The following ROS1 variants were observed in gnomAD, a reference collection of about 807,000 sequenced individuals.
ROS1 encodes the protein proto-oncogene tyrosine-protein kinase ROS.
ROS1 carries 263 observed loss-of-function variants against 273.5 expected under a neutral mutation model. The observed-to-expected ratio is 0.96, with a 90% CI of 0.87 to 1.06. The LOEUF is 1.06. Ranked by LOEUF, ROS1 falls within the 50% of genes least tolerant of loss-of-function variation. ROS1 has a pLI of 0.00. For synonymous variants in ROS1, 1,008 were observed against 954.1 expected, an observed-to-expected ratio of 1.06 and a Z score of -1.04; for missense variants, 2,833 against 2,751.1, an observed-to-expected ratio of 1.03 and a Z score of -0.67.
rs546768297 is a variant in ROS1 at position 117,316,699 on chromosome 6, GT to G, written c.6117+443del. 9.9e-5 allele frequency among the ~76,000 whole-genome samples: 15 copies of G among 152,162 alleles called. No homozygotes were observed. In the South Asian group the frequency reaches 2.9e-3, roughly 30 times the overall value. The stretch of plus-strand genomic sequence containing the variant: ...GAGGACGTACGAAATCAAGAGCTCC[GT>G]TTGGGGCAAAATATGTTTGAGATAC... On this transcript the variant is annotated intron_variant, in intron 39 of 43. Transcript: ENST00000368507.
chr6:117,333,782 T>A (rs1029547432), intron 32 of ROS1, among the ~76,000 whole-genome samples: 2 of 152,162 alleles, frequency 1.3e-5, no homozygotes, highest in African/African-American at 4.8e-5. Flanking sequence ...TTGATAAAAT[T>A]CAACATCAAC....
At chr6:117,385,028 C>T (rs144841206) in intron 16 of ROS1, among the ~76,000 whole-genome samples, 122 of 152,262 alleles carry the variant, frequency 8.0e-4, no homozygotes, top group Middle Eastern at 6.8e-3. Flanking sequence ...ACTTGTAAAC[C>T]GTGAGGATGC....
At chr6:117,292,857 CTT>C (rs113276298) in intron 43 of ROS1, among the ~76,000 whole-genome samples, 292 of 152,302 alleles carry the variant, frequency 1.9e-3, no homozygotes, top group African/African-American at 7.0e-3. Flanking sequence ...ACTCCGGACT[CTT>C]TTTTGTTCTC....
intron 43 of ROS1, among the ~76,000 whole-genome samples, chr6:117,290,890 C>A (rs1023078598): frequency 2.0e-5 from 3 of 152,174 alleles, no homozygotes. Context: ...TCTCCAACAA[C>A]AACAATGAAG....
intron 18 of ROS1, among the ~76,000 whole-genome samples, chr6:117,376,242 TAAAATTTG>T (rs1395818079): frequency 2.6e-5 from 4 of 152,220 alleles, no homozygotes; most frequent in Admixed American, 2.6e-4. Context: ...GAGGATATTA[TAAAATTTG>T]AAAACTCATG....
At chr6:117,310,681 T>C (rs367726576) in intron 40 of ROS1, among the ~76,000 whole-genome samples, 11 of 152,106 alleles carry the variant, frequency 7.2e-5, no homozygotes, top group African/African-American at 2.7e-4. Flanking sequence ...GGATAATGGT[T>C]TCCAGCTTCA....
chr6:117,351,313 T>C (rs976543252), intron 27 of ROS1, among the ~76,000 whole-genome samples: 1 of 152,138 alleles, frequency 6.6e-6, no homozygotes, highest in Non-Finnish European at 1.5e-5. Flanking sequence ...TCAATTAAGC[T>C]CTGATAAAAC....
At chr6:117,372,541 T>G (rs1300220338) in intron 18 of ROS1, among the ~76,000 whole-genome samples, 2 of 152,310 alleles carry the variant, frequency 1.3e-5, no homozygotes, top group African/African-American at 4.8e-5. Flanking sequence ...GTCCAGAGTT[T>G]GTTCCTTCTG....
chr6:117,390,264 G>A lies in ROS1; in HGVS notation c.1290-418C>T, dbSNP rs529833978. 6.6e-5 allele frequency among the ~76,000 whole-genome samples: 10 copies of A among 152,124 alleles called. No individual in the cohort carries two copies. In the East Asian group the frequency reaches 1.7e-3, roughly 27 times the overall value. On this transcript the variant is annotated intron_variant, in intron 12 of 43. Transcript: ENST00000368507. Reference sequence around the variant, plus strand: ...ACACCTCAGTATCCCATGTAGCTGGGACCACAGGCTTGCCACCGTGCTCGG... The same window carrying A: ...ACACCTCAGTATCCCATGTAGCTGGAACCACAGGCTTGCCACCGTGCTCGG...
rs767165414 is a variant in ROS1, at chr6:117,383,472, T to C, written c.2326A>G (p.Ile776Val). ...ACCAATAGCTTCACGTGGGTAACAATGTCTGTGTGTCCCGTCAACACAGAC... is the reference window on the plus strand; with the variant it reads ...ACCAATAGCTTCACGTGGGTAACAACGTCTGTGTGTCCCGTCAACACAGAC... The part of the protein sequence containing the change: ...RQSVLTGHTD[I>V]VTHVKLLVND... Residue 776 changes from isoleucine to valine, a missense_variant, in exon 17 of 44, where the codon ATT becomes GTT. Coordinates refer to ENST00000368507, the MANE Select transcript of ROS1 (RefSeq NM_001378902.1). The C allele has an allele frequency of 1.2e-6, 2 of 1,614,114 alleles. No homozygotes were observed. The highest frequency in any genetic ancestry group is 1.1e-5 in the South Asian group (1 of 91,080).
chr6:117,368,228 C>T (rs1780432388), intron 18 of ROS1, among the ~76,000 whole-genome samples: 1 of 151,558 alleles, frequency 6.6e-6, no homozygotes, highest in South Asian at 2.1e-4. Context: ...TTGTTTAGTA[C>T]TCAAAAAAAG....
At position 117,356,714 on chromosome 6, in the gene ROS1, T is replaced by G. The variant is rs753331816; in HGVS notation, c.4041A>C (p.Ile1347=). 2 of 1,614,202 alleles carry G rather than the reference T, an allele frequency of 1.2e-6. No individual in the cohort carries two copies. The highest frequency in any genetic ancestry group is 8.5e-7 in the Non-Finnish European group (1 of 1,180,010). ...AGATCTCTTGTGCTTTGGCAAAGTA[T>G]ATCAATGGTTTCTCTAGGTTAGAGG... is the stretch of plus-strand genomic sequence containing the variant. ...IDTSNLEKPL[I]YFAKAQEIWA... Residue 1347 remains isoleucine (I), a synonymous_variant, in exon 26 of 44, where the codon ATA becomes ATC. Transcript: ENST00000368507.
rs866590541 is a variant in ROS1, at chr6:117,366,197, C to G, written c.2676G>C (p.Trp892Cys). ...TTGTGATAATCCTAAAGCCATTGAT[C>G]CAGAACAGCCGACCACTATAGTACA... ...ALMYYSGRLF[W>C]INGFRIITTQ... The change falls in exon 19 of 44, where the codon TGG becomes TGC. Residue 892 changes from tryptophan (W) to cysteine (C), a missense_variant. Transcript: ENST00000368507. The G allele has an allele frequency of 1.9e-6, 3 of 1,614,040 alleles. 1 individual carries two copies. Among genetic ancestry groups the G allele is most frequent in the South Asian group, 2.2e-5 (2 of 91,082 alleles).
At chr6:117,378,575 T>A (rs969524665) in intron 18 of ROS1, among the ~76,000 whole-genome samples, 6 of 152,194 alleles carry the variant, frequency 3.9e-5, no homozygotes, top group Non-Finnish European at 5.9e-5. Context: ...ACTAATTTTT[T>A]AAAATAAAAG....
At chr6:117,340,111 G>A (rs541428267) in intron 31 of ROS1, among the ~76,000 whole-genome samples, 1 of 152,192 alleles carries the variant, frequency 6.6e-6, no homozygotes, top group East Asian at 1.9e-4. Flanking sequence ...TATTTTAAAA[G>A]GCACTCCTCC....
rs557952287 is a variant in ROS1, at chr6:117,404,974, G to A, written c.317-546C>T. Among the ~76,000 whole-genome samples the A allele has an allele frequency of 7.3e-5, 11 of 151,308 alleles. No homozygotes were observed. In the South Asian group the frequency reaches 2.3e-3, roughly 32 times the overall value. On this transcript the variant is annotated intron_variant, in intron 5 of 43. Transcript: ENST00000368507. The stretch of plus-strand genomic sequence containing the variant: ...AATATTTCAGGACATCTAAACATTA[G>A]ACGTATTACAATTGGCAGCAATTTC...
In ROS1 at chr6:117,344,140, T is replaced by C. The variant is rs757592384; in HGVS notation, c.4426A>G (p.Ser1476Gly). ...TAAACCAGGTATGTTGGAGTAGGGC[T>C]GGTGATGCCATACCATGTGAGGTTT... ...KTNLTWYGIT[S>G]PTPTYLVYYA... The change falls in exon 28 of 44, where the codon AGC becomes GGC. Residue 1476 changes from serine to glycine, a missense_variant. Coordinates refer to ENST00000368507, the MANE Select transcript of ROS1 (RefSeq NM_001378902.1). 6.2e-7 allele frequency: 1 copy of C among 1,613,998 alleles called. No individual in the cohort carries two copies. Among genetic ancestry groups the C allele is most frequent in the Non-Finnish European group, 8.5e-7 (1 of 1,179,912 alleles).
At chr6:117,340,913 T>C (rs1582670678) in intron 31 of ROS1, among the ~76,000 whole-genome samples, 3 of 152,162 alleles carry the variant, frequency 2.0e-5, no homozygotes, top group South Asian at 2.1e-4. Context: ...CTATAACTTA[T>C]ACCCTTTTAC....
rs969974037 is a variant in ROS1 at position 117,311,223 on chromosome 6, G to A, written c.6118-106C>T. On this transcript the variant is annotated intron_variant, in intron 39 of 43. Transcript: ENST00000368507. ...TACATGTATATGCATATGCATGTAT[G>A]TATCTGATGTTTTAAAGGGATTTTT... 4 of 509,066 alleles carry A rather than the reference G, an allele frequency of 7.9e-6. No individual in the cohort carries two copies. In the African/African-American group the frequency reaches 7.9e-5, roughly 10 times the overall value. The allele number at this position is 509,066 out of a possible 1,614,324, so 31.5% of individuals were successfully genotyped here. A position where few individuals can be genotyped will look rare whatever the true frequency, so the allele number is the denominator to read the frequency against.
Sources: allele counts gnomAD v4.1 joint callset (sites outside exome capture counted in the v4.1 genomes callset), GRCh38; gene constraint gnomAD v4.1.1; transcripts MANE v1.5; gene names NCBI Gene and HGNC (gene_info 2026-07-23, HGNC 2026-07-21).